Variants in GLRA2 observed in about 807,000 individuals in gnomAD.
GLRA2 encodes glycine receptor subunit alpha-2.
A neutral mutation model predicts 31.6 loss-of-function variants in GLRA2; 11 were observed. That is an observed-to-expected ratio of 0.35 (90% CI 0.22 to 0.58). The LOEUF (loss-of-function observed/expected upper bound fraction) is 0.58. GLRA2 is among the 20% of genes least tolerant of loss of function. The probability of loss-of-function intolerance (pLI) is 0.84; values close to 1 mark genes in which losing one functional copy is unlikely to be tolerated. For synonymous variants in GLRA2, 132 were observed against 134.0 expected, an observed-to-expected ratio of 0.99 and a Z score of 0.10; for missense variants, 212 against 351.8, an observed-to-expected ratio of 0.60 and a Z score of 3.18.
At chrX:14,526,152 G>A (rs898583189), upstream of GLRA2, among the ~76,000 whole-genome samples, 1 of 112,201 alleles carries the variant, frequency 8.9e-6, no homozygotes, top group African/African-American at 3.2e-5. Flanking sequence ...GTGTTAACCA[G>A]ACAAAGATGG....
chrX:14,697,225 C>T (rs2091461721), intron 8 of GLRA2, among the ~76,000 whole-genome samples: 1 of 111,963 alleles, frequency 8.9e-6, no homozygotes, highest in Non-Finnish European at 1.9e-5. Context: ...TCATACAGCC[C>T]AGTTTACCTG....
intron 4 of GLRA2, among the ~76,000 whole-genome samples, chrX:14,589,179 C>A (rs2090113532): frequency 9.0e-6 from 1 of 111,018 alleles, no homozygotes; most frequent in African/African-American, 3.3e-5. Flanking sequence ...ATGCTTCCAG[C>A]TTTTGCCATC....
chrX:14,552,686 G>C (rs372413858), intron 2 of GLRA2, among the ~76,000 whole-genome samples: 6 of 111,990 alleles, frequency 5.4e-5, no homozygotes, highest in East Asian at 5.6e-4. Context: ...TACCCCAAAA[G>C]ACTCTTAGTA....
At chrX:14,450,144 G>A in the GLRA2 span, among the ~76,000 whole-genome samples, 1 of 111,919 alleles carries the variant, frequency 8.9e-6, no homozygotes, top group Non-Finnish European at 1.9e-5. Flanking sequence ...ATGTTTGCTG[G>A]GCTAAAAACC....
intron 2 of GLRA2, among the ~76,000 whole-genome samples, chrX:14,539,794 T>C (rs2089376638): frequency 8.9e-6 from 1 of 112,064 alleles, no homozygotes; most frequent in Admixed American, 9.5e-5. Context: ...GAAGTATATA[T>C]ATGACTGGAT....
intron 7 of GLRA2, among the ~76,000 whole-genome samples, chrX:14,660,305 C>T (rs928970262): frequency 9.0e-6 from 1 of 111,190 alleles, no homozygotes; most frequent in Non-Finnish European, 1.9e-5. Flanking sequence ...ACATTCCAGG[C>T]AGAGGAAACA....
At chrX:14,522,636 C>G in the GLRA2 span, among the ~76,000 whole-genome samples, 1 of 112,192 alleles carries the variant, frequency 8.9e-6, no homozygotes, top group African/African-American at 3.2e-5. Flanking sequence ...CAAAATTATT[C>G]CTTGATCTGT....
chrX:14,725,348 T>C (rs1324106233), intron 8 of GLRA2, among the ~76,000 whole-genome samples: 1 of 111,384 alleles, frequency 9.0e-6, no homozygotes, highest in Non-Finnish European at 1.9e-5. Context: ...ATCATTTGCT[T>C]GGGAGATTTT....
chrX:14,697,441 T>G (rs2091465373), intron 8 of GLRA2, among the ~76,000 whole-genome samples: 2 of 111,963 alleles, frequency 1.8e-5, no homozygotes, highest in African/African-American at 6.5e-5. Flanking sequence ...GTGAACGAGT[T>G]CTCACCTTAA....
chrX:14,491,858 C>G, the GLRA2 span, among the ~76,000 whole-genome samples: 1 of 111,581 alleles, frequency 9.0e-6, no homozygotes, highest in South Asian at 3.8e-4. Context: ...TGAGACCAGC[C>G]CCAGTTTGGC....
At chrX:14,583,638 C>T (rs1021804749) in intron 4 of GLRA2, among the ~76,000 whole-genome samples, 9 of 111,787 alleles carry the variant, frequency 8.1e-5, no homozygotes, top group East Asian at 5.6e-4. Flanking sequence ...ACTCAGGAGG[C>T]TAAGGCAGGA....
At chrX:14,595,767 G>A (rs187634513) in intron 4 of GLRA2, among the ~76,000 whole-genome samples, 1 of 111,704 alleles carries the variant, frequency 9.0e-6, no homozygotes, top group Non-Finnish European at 1.9e-5. Context: ...TCCTTTACTT[G>A]ATTCTGTTCA....
intron 7 of GLRA2, among the ~76,000 whole-genome samples, chrX:14,664,441 A>G (rs2091019748): frequency 8.9e-6 from 1 of 112,169 alleles, no homozygotes; most frequent in African/African-American, 3.2e-5. Context: ...ACTTGCAAAG[A>G]AGGCATATTC....
chrX:14,490,533 C>T, the GLRA2 span, among the ~76,000 whole-genome samples: 2 of 112,482 alleles, frequency 1.8e-5, no homozygotes, highest in Non-Finnish European at 3.7e-5. Flanking sequence ...TAAATTCCTT[C>T]TGTAATACAA....
chrX:14,647,939 G>A (rs955112535), intron 7 of GLRA2, among the ~76,000 whole-genome samples: 1 of 112,266 alleles, frequency 8.9e-6, no homozygotes, highest in Admixed American at 9.4e-5. Context: ...AAAGGTTGGA[G>A]GATAATATCA....
At chrX:14,554,680 A>G (rs1373033172) in intron 2 of GLRA2, among the ~76,000 whole-genome samples, 1 of 111,993 alleles carries the variant, frequency 8.9e-6, no homozygotes, top group East Asian at 2.8e-4. Context: ...GATTTTATTT[A>G]ACTCATTAGT....
At chrX:14,651,432 C>A (rs994809114) in intron 7 of GLRA2, among the ~76,000 whole-genome samples, 10 of 111,021 alleles carry the variant, frequency 9.0e-5, no homozygotes, top group Non-Finnish European at 1.3e-4. Flanking sequence ...ACACAATGAG[C>A]TTTTTGGTCA....
chrX:14,604,284 A>G (rs778949563), intron 4 of GLRA2, 31 bp from the exon 5 acceptor site: 29 of 920,880 alleles, frequency 3.1e-5, no homozygotes, highest in Non-Finnish European at 3.1e-5. Flanking sequence ...AGATTTAAAA[A>G]TGGTTTTTAA....
At chrX:14,542,388 A>G (rs2089417374) in intron 2 of GLRA2, among the ~76,000 whole-genome samples, 1 of 111,711 alleles carries the variant, frequency 9.0e-6, no homozygotes, top group African/African-American at 3.2e-5. Context: ...CTGTATGTCA[A>G]AAGGCCTTTT....
Sources: allele counts gnomAD v4.1 joint callset (sites outside exome capture counted in the v4.1 genomes callset), GRCh38; gene constraint gnomAD v4.1.1; transcripts MANE v1.5; gene names NCBI Gene and HGNC (gene_info 2026-07-23, HGNC 2026-07-21).